The following IGSF11 variants were observed in gnomAD, a reference collection of about 807,000 sequenced individuals.
The protein encoded by IGSF11 is immunoglobulin superfamily member 11.
Under a neutral mutation model 41.0 loss-of-function variants are expected in IGSF11, and 22 were observed. The ratio of observed to expected loss-of-function variants is 0.54; its 90% CI spans 0.38 to 0.77. The LOEUF (loss-of-function observed/expected upper bound fraction) is 0.77. IGSF11 is among the 30% of genes least tolerant of loss of function. The pLI is 0.00. For missense variants in IGSF11, 444 were observed against 530.8 expected, an observed-to-expected ratio of 0.84 and a Z score of 1.61; for synonymous variants, 219 against 201.3, an observed-to-expected ratio of 1.09 and a Z score of -0.74.
At chr3:119,116,749 T>C (rs904403874) in intron 1 of IGSF11, among the ~76,000 whole-genome samples, 7 of 152,218 alleles carry the variant, frequency 4.6e-5, no homozygotes, top group East Asian at 3.8e-4. Flanking sequence ...CACCAATTAC[T>C]CTTGCAAATA....
intron 1 of IGSF11, among the ~76,000 whole-genome samples, chr3:118,994,040 G>GT (rs1418737727): frequency 6.6e-5 from 10 of 152,246 alleles, no homozygotes; most frequent in Middle Eastern, 3.4e-3. Flanking sequence ...CAATAAAATA[G>GT]TTTTGCATTG....
chr3:119,087,222 C>T, intron 1 of IGSF11, among the ~76,000 whole-genome samples: 1 of 152,152 alleles, frequency 6.6e-6, no homozygotes, highest in Non-Finnish European at 1.5e-5. Context: ...AGCAATCCCA[C>T]TAGTAGGTAT....
At chr3:119,111,919 C>T (rs911846282) in intron 1 of IGSF11, among the ~76,000 whole-genome samples, 1 of 152,164 alleles carries the variant, frequency 6.6e-6, no homozygotes, top group Non-Finnish European at 1.5e-5. Flanking sequence ...TTTCGTGAAC[C>T]ACGAATGCTG....
chr3:118,966,209 G>C (rs966767280), intron 1 of IGSF11, among the ~76,000 whole-genome samples: 1 of 152,144 alleles, frequency 6.6e-6, no homozygotes, highest in Non-Finnish European at 1.5e-5. Flanking sequence ...TCATCTGAAG[G>C]TTAGGGACCA....
At chr3:119,121,280 C>A (rs898296842) in intron 1 of IGSF11, among the ~76,000 whole-genome samples, 20 of 151,892 alleles carry the variant, frequency 1.3e-4, no homozygotes, top group African/African-American at 4.6e-4. Flanking sequence ...ATTAATGTGT[C>A]CAAAGAGGTA....
chr3:119,131,499 G>GA (rs1378596421), intron 1 of IGSF11, among the ~76,000 whole-genome samples: 13 of 152,066 alleles, frequency 8.5e-5, no homozygotes, highest in South Asian at 4.1e-4. Context: ...CAAGATTAGA[G>GA]AAAACAGAGT....
intron 1 of IGSF11, among the ~76,000 whole-genome samples, chr3:118,998,321 C>T (rs1936470277): frequency 6.6e-6 from 1 of 152,026 alleles, no homozygotes; most frequent in Admixed American, 6.6e-5. Context: ...TGGTTAAATA[C>T]AAGAAATATT....
In IGSF11 at chr3:119,013,380, C is replaced by T. The variant is rs188977498; in HGVS notation, c.52+21151G>A. ...ACAAAACTCACACTCCAATGAAAGG[C>T]AATCTGCATATACAAACCTCCTCAC... On this transcript the variant is annotated intron_variant, in intron 1 of 6. Transcript: ENST00000393775. The T allele has an allele frequency of 2.4e-4, 36 of 152,372 alleles. No individual in the cohort carries two copies. In the East Asian group the frequency reaches 6.7e-3, roughly 29 times the overall value. 9.4% of individuals were successfully genotyped at this position (152,372 alleles called of 1,614,324 possible). A position where few individuals can be genotyped will look rare whatever the true frequency, so the allele number is the denominator to read the frequency against.
chr3:119,034,906 G>C, upstream of IGSF11: 1 of 1,029,048 alleles, frequency 9.7e-7, no homozygotes, highest in Non-Finnish European at 1.2e-6. Flanking sequence ...CGCTACTCCA[G>C]CCGCAGCTCG....
At chr3:119,036,318 T>C (rs986353661), upstream of IGSF11, among the ~76,000 whole-genome samples, 1 of 152,214 alleles carries the variant, frequency 6.6e-6, no homozygotes, top group Admixed American at 6.5e-5. Context: ...ATCACGAGGC[T>C]CATTCTCATT....
At chr3:118,982,421 A>G (rs1246690147) in intron 1 of IGSF11, among the ~76,000 whole-genome samples, 1 of 152,214 alleles carries the variant, frequency 6.6e-6, no homozygotes, top group African/African-American at 2.4e-5. Flanking sequence ...TCCCAAAAAA[A>G]GGAGCTGATA....
intron 1 of IGSF11, among the ~76,000 whole-genome samples, chr3:119,083,903 C>A (rs1056332485): frequency 6.6e-6 from 1 of 151,910 alleles, no homozygotes; most frequent in Non-Finnish European, 1.5e-5. Context: ...CTCAGACAGG[C>A]CTTTCAGGAG....
intron 1 of IGSF11, among the ~76,000 whole-genome samples, chr3:118,990,792 G>T (rs561851138): frequency 1.4e-5 from 2 of 144,712 alleles, no homozygotes; most frequent in South Asian, 2.3e-4. Flanking sequence ...TATTTCAATA[G>T]ATTTCAAACC....
rs375146795 is a variant in IGSF11, at chr3:119,010,992, G to C, written c.52+23539C>G. On this transcript the variant is annotated intron_variant, in intron 1 of 6. Transcript: ENST00000393775. ...TCATTCCTCCTACTTAGAAGTTACT[G>C]AGATAAAAAGCACTTGAAGAAAAAA... Among the ~76,000 whole-genome samples, 14 of 152,316 alleles carry C rather than the reference G, an allele frequency of 9.2e-5. No homozygotes were observed. In the South Asian group the frequency reaches 2.9e-3, roughly 32 times the overall value.
intron 1 of IGSF11, among the ~76,000 whole-genome samples, chr3:119,113,546 G>A (rs1395314505): frequency 6.6e-6 from 1 of 152,202 alleles, no homozygotes; most frequent in Non-Finnish European, 1.5e-5. Context: ...TGATGCAACA[G>A]GTGGGCTCCC....
At chr3:119,129,146 C>T (rs1190579185) in intron 1 of IGSF11, among the ~76,000 whole-genome samples, 1 of 152,038 alleles carries the variant, frequency 6.6e-6, no homozygotes, top group African/African-American at 2.4e-5. Flanking sequence ...AACAACAACA[C>T]CAGGGCCTGT....
intron 1 of IGSF11, among the ~76,000 whole-genome samples, chr3:118,955,200 G>T (rs986856784): frequency 2.0e-5 from 3 of 148,174 alleles, no homozygotes; most frequent in Admixed American, 6.7e-5. Flanking sequence ...ATTGTGGTAT[G>T]TATGTATGTA....
At chr3:119,136,136 G>A (rs535292119) in intron 1 of IGSF11, among the ~76,000 whole-genome samples, 2 of 151,844 alleles carry the variant, frequency 1.3e-5, no homozygotes, top group African/African-American at 2.4e-5. Flanking sequence ...TGGGTGCAGC[G>A]AACCAACATG....
intron 1 of IGSF11, among the ~76,000 whole-genome samples, chr3:119,069,855 T>C (rs1350256822): frequency 6.6e-6 from 1 of 152,198 alleles, no homozygotes; most frequent in African/African-American, 2.4e-5. Flanking sequence ...TCTGTTGTCA[T>C]GGCAATAAAA....
Sources: allele counts gnomAD v4.1 joint callset (sites outside exome capture counted in the v4.1 genomes callset), GRCh38; gene constraint gnomAD v4.1.1; transcripts MANE v1.5; gene names NCBI Gene and HGNC (gene_info 2026-07-23, HGNC 2026-07-21).